Variants in THSD7B observed in about 807,000 individuals in gnomAD.
THSD7B encodes the protein thrombospondin type 1 domain containing 7B, also known as thrombospondin type-1 domain-containing protein 7B.
A neutral mutation model predicts 213.6 loss-of-function variants in THSD7B; 138 were observed. The ratio of observed to expected loss-of-function variants is 0.65; its 90% CI spans 0.56 to 0.74. The LOEUF (loss-of-function observed/expected upper bound fraction) is 0.74. Ranked by LOEUF, THSD7B falls within the 30% of genes least tolerant of loss-of-function variation. The pLI, the probability that THSD7B is intolerant of heterozygous loss-of-function variation, is 0.00. For synonymous variants in THSD7B, 742 were observed against 687.0 expected, an observed-to-expected ratio of 1.08 and a Z score of -1.25; for missense variants, 1,931 against 1,991.5, an observed-to-expected ratio of 0.97 and a Z score of 0.58.
At chr2:137,299,017 G>A (rs901151731) in intron 12 of THSD7B, among the ~76,000 whole-genome samples, 9 of 152,090 alleles carry the variant, frequency 5.9e-5, no homozygotes, top group Admixed American at 1.3e-4. Context: ...TACATCTACC[G>A]ACAGCTGGCA....
At chr2:137,651,418 G>A (rs752602664) in intron 21 of THSD7B, among the ~76,000 whole-genome samples, 5 of 151,706 alleles carry the variant, frequency 3.3e-5, no homozygotes, top group Non-Finnish European at 7.4e-5. Flanking sequence ...CAGTGTTTAT[G>A]TCTCCTTTTG....
chr2:137,139,793 G>A (rs1679545726), intron 5 of THSD7B, among the ~76,000 whole-genome samples: 1 of 152,030 alleles, frequency 6.6e-6, no homozygotes, highest in African/African-American at 2.4e-5. Context: ...TCTGCTGTTG[G>A]CAATTTATTC....
At chr2:136,844,913 A>G (rs1358212330) in intron 1 of THSD7B, among the ~76,000 whole-genome samples, 1 of 152,236 alleles carries the variant, frequency 6.6e-6, no homozygotes, top group African/African-American at 2.4e-5. Flanking sequence ...CCAACACTTT[A>G]ACAAGCCTGA....
intron 12 of THSD7B, among the ~76,000 whole-genome samples, chr2:137,308,754 T>C (rs1417796907): frequency 6.6e-6 from 1 of 152,114 alleles, no homozygotes; most frequent in Non-Finnish European, 1.5e-5. Flanking sequence ...GAAACCACTA[T>C]TTATTTTGAT....
At chr2:136,781,791 C>T (rs1178168080) in intron 1 of THSD7B, among the ~76,000 whole-genome samples, 3 of 152,114 alleles carry the variant, frequency 2.0e-5, no homozygotes, top group Non-Finnish European at 2.9e-5. Flanking sequence ...CTGTCTATGC[C>T]CTGCCTCCTG....
At chr2:137,354,170 T>TC (rs976467508) in intron 12 of THSD7B, among the ~76,000 whole-genome samples, 1 of 152,022 alleles carries the variant, frequency 6.6e-6, no homozygotes, top group African/African-American at 2.4e-5. Flanking sequence ...TATTTGTCTT[T>TC]CCCGTGAACT....
chr2:137,362,853 C>T (rs936973624), intron 12 of THSD7B, among the ~76,000 whole-genome samples: 2 of 152,134 alleles, frequency 1.3e-5, no homozygotes, highest in Admixed American at 1.3e-4. Flanking sequence ...CAAGGATATG[C>T]AGGACTTGAA....
chr2:137,285,978 C>T (rs975704903), intron 12 of THSD7B, among the ~76,000 whole-genome samples: 3 of 151,678 alleles, frequency 2.0e-5, no homozygotes, highest in African/African-American at 7.3e-5. Flanking sequence ...GTGGTGGGTG[C>T]CGGTAATCCC....
chr2:137,549,245 T>C (rs1003780380), intron 15 of THSD7B, among the ~76,000 whole-genome samples: 1 of 150,694 alleles, frequency 6.6e-6, no homozygotes, highest in African/African-American at 2.4e-5. Context: ...CCCCACCTTA[T>C]GCCTGTAACT....
intron 21 of THSD7B, among the ~76,000 whole-genome samples, chr2:137,648,177 G>A (rs1683072936): frequency 1.3e-5 from 2 of 152,108 alleles, no homozygotes; most frequent in African/African-American, 4.8e-5. Context: ...TAAATATCAA[G>A]TCAGTGTAAT....
intron 2 of THSD7B, among the ~76,000 whole-genome samples, chr2:137,041,299 G>A (rs1002127660): frequency 5.9e-5 from 9 of 152,128 alleles, no homozygotes; most frequent in Non-Finnish European, 1.2e-4. Context: ...TCTCCTTGAG[G>A]TTGTTGATGA....
At chr2:137,315,475 G>A (rs977787613) in intron 12 of THSD7B, among the ~76,000 whole-genome samples, 2 of 152,080 alleles carry the variant, frequency 1.3e-5, no homozygotes, top group Non-Finnish European at 2.9e-5. Context: ...CTTCTGCGTC[G>A]CTCATGCTGG....
intron 19 of THSD7B, among the ~76,000 whole-genome samples, chr2:137,619,934 T>C (rs1682485680): frequency 6.6e-6 from 1 of 152,214 alleles, no homozygotes; most frequent in African/African-American, 2.4e-5. Flanking sequence ...GTTTTCCTAA[T>C]AAGCACAGAA....
At chr2:136,791,770 C>A (rs115239429) in intron 1 of THSD7B, among the ~76,000 whole-genome samples, 1 of 151,992 alleles carries the variant, frequency 6.6e-6, no homozygotes, top group African/African-American at 2.4e-5. Flanking sequence ...TATGGATACA[C>A]CACGTTTTAT....
At chr2:137,083,509 C>A (rs72987518) in intron 3 of THSD7B, among the ~76,000 whole-genome samples, 3,300 of 152,136 alleles carry the variant, frequency 0.022, 119 homozygotes, top group African/African-American at 0.076. Context: ...GTAACATAAA[C>A]CTTGGTATAT....
At chr2:137,316,195 T>G (rs1196120333) in intron 12 of THSD7B, among the ~76,000 whole-genome samples, 1 of 152,198 alleles carries the variant, frequency 6.6e-6, no homozygotes, top group Non-Finnish European at 1.5e-5. Flanking sequence ...TAAGCCTGCA[T>G]GTGTGGGCGA....
chr2:137,571,378 T>C (rs1681352495), intron 16 of THSD7B, among the ~76,000 whole-genome samples: 2 of 152,240 alleles, frequency 1.3e-5, no homozygotes, highest in Admixed American at 1.3e-4. Flanking sequence ...TTATGAATAG[T>C]GCTGCTATGA....
At chr2:137,285,483 T>C (rs892094523) in intron 12 of THSD7B, among the ~76,000 whole-genome samples, 2 of 152,102 alleles carry the variant, frequency 1.3e-5, no homozygotes, top group African/African-American at 4.8e-5. Context: ...TTGATGCAGT[T>C]TCTTCCTAGC....
chr2:137,149,709 A>C (rs878930381), intron 5 of THSD7B, among the ~76,000 whole-genome samples: 1 of 152,186 alleles, frequency 6.6e-6, no homozygotes, highest in South Asian at 2.1e-4. Context: ...TCAGACTTGC[A>C]TGGGGCCTGT....
Sources: gnomAD v4.1 joint callset for allele counts (sites outside exome capture counted in the v4.1 genomes callset) on GRCh38, gnomAD v4.1.1 for gene constraint, MANE v1.5 for transcripts, NCBI Gene and HGNC (gene_info 2026-07-23, HGNC 2026-07-21) for gene names.